DLGAP2: variants seen among roughly 807,000 people sequenced by gnomAD.
DLGAP2 encodes the protein disks large-associated protein 2.
DLGAP2 carries 26 observed loss-of-function variants against 100.3 expected under a neutral mutation model. The ratio of observed to expected loss-of-function variants is 0.26; its 90% confidence interval spans 0.19 to 0.36. The LOEUF is 0.36. Among genes scored for constraint, DLGAP2 ranks in the 10% least tolerant of loss-of-function variants. DLGAP2 has a pLI of 1.00. For synonymous variants in DLGAP2, 886 were observed against 630.1 expected (o/e 1.41, Z -6.08); for missense variants, 1,858 against 1,453.2 (o/e 1.28, Z -4.53).
At chr8:856,946 G>A (rs1368085482) in intron 1 of DLGAP2, among the ~76,000 whole-genome samples, 1 of 152,252 alleles carries the variant, frequency 6.6e-6, no homozygotes, top group Non-Finnish European at 1.5e-5. Context: ...CAAAGTCACA[G>A]AACTGACAGT....
At chr8:942,956 G>A (rs750056578) in intron 2 of DLGAP2, among the ~76,000 whole-genome samples, 2 of 152,198 alleles carry the variant, frequency 1.3e-5, no homozygotes, top group Admixed American at 1.3e-4. Flanking sequence ...AAGGGTGTGC[G>A]GAACACCATC....
intron 3 of DLGAP2, among the ~76,000 whole-genome samples, chr8:1,436,809 G>A (rs1340344919): frequency 6.6e-6 from 1 of 152,132 alleles, no homozygotes; most frequent in Non-Finnish European, 1.5e-5. Flanking sequence ...TCCATTCATG[G>A]TGAGTGTCCT....
intron 13 of DLGAP2, among the ~76,000 whole-genome samples, chr8:1,692,934 T>A (rs1023534427): frequency 1.3e-5 from 2 of 148,506 alleles, no homozygotes; most frequent in Non-Finnish European, 3.0e-5. Context: ...AAATATATAT[T>A]TGCTATTTCT....
At chr8:1,227,786 C>G (rs1798452445) in intron 2 of DLGAP2, among the ~76,000 whole-genome samples, 1 of 151,984 alleles carries the variant, frequency 6.6e-6, no homozygotes, top group Non-Finnish European at 1.5e-5. Flanking sequence ...TGAGAGGGTA[C>G]AAAGGAGCAG....
At chr8:1,602,020 C>T (rs1281825204) in intron 6 of DLGAP2, among the ~76,000 whole-genome samples, 1 of 150,716 alleles carries the variant, frequency 6.6e-6, no homozygotes, top group Non-Finnish European at 1.5e-5. Flanking sequence ...GGGCCTCTAT[C>T]CCTCACGAGC....
chr8:1,082,350 T>A (rs1178837566), intron 2 of DLGAP2, among the ~76,000 whole-genome samples: 1 of 152,232 alleles, frequency 6.6e-6, no homozygotes, highest in Non-Finnish European at 1.5e-5. Context: ...TTCCCATTTC[T>A]ACGTTTTCTT....
chr8:1,179,037 A>G (rs530330147), intron 2 of DLGAP2, among the ~76,000 whole-genome samples: 2 of 152,308 alleles, frequency 1.3e-5, no homozygotes, highest in East Asian at 3.9e-4. Context: ...CAGCTTCTAT[A>G]AGGGGTTGAG....
At chr8:998,045 A>T (rs1039487433) in intron 2 of DLGAP2, among the ~76,000 whole-genome samples, 1 of 151,940 alleles carries the variant, frequency 6.6e-6, no homozygotes, top group African/African-American at 2.4e-5. Flanking sequence ...ATGTGCATAC[A>T]GTCATACACA....
intron 2 of DLGAP2, among the ~76,000 whole-genome samples, chr8:914,097 C>G (rs1336919077): frequency 6.6e-6 from 1 of 152,204 alleles, no homozygotes; most frequent in Admixed American, 6.5e-5. Context: ...TTCTTTTTAC[C>G]CAGATACTAA....
intron 12 of DLGAP2, among the ~76,000 whole-genome samples, chr8:1,681,880 G>C (rs1251129442): frequency 6.7e-6 from 1 of 148,306 alleles, no homozygotes; most frequent in Non-Finnish European, 1.5e-5. Flanking sequence ...GACGTTGAAG[G>C]CTCTGCCTTC....
At chr8:1,198,520 G>A (rs960797585) in intron 2 of DLGAP2, among the ~76,000 whole-genome samples, 10 of 152,086 alleles carry the variant, frequency 6.6e-5, no homozygotes, top group Non-Finnish European at 1.0e-4. Flanking sequence ...CCCAGAGCTC[G>A]GGGGAAGGGG....
chr8:1,191,417 GC>G (rs1797636095), intron 2 of DLGAP2, among the ~76,000 whole-genome samples: 1 of 152,082 alleles, frequency 6.6e-6, no homozygotes. Context: ...TGATCTGCCC[GC>G]CTCAGCCTCC....
intron 8 of DLGAP2, among the ~76,000 whole-genome samples, chr8:1,663,124 G>T (rs1406634984): frequency 7.5e-6 from 1 of 133,408 alleles, no homozygotes; most frequent in Non-Finnish European, 1.6e-5. Context: ...ACACAGTGTG[G>T]GGGGTGTGTG....
intron 2 of DLGAP2, among the ~76,000 whole-genome samples, chr8:940,642 A>G (rs992335966): frequency 3.3e-5 from 5 of 152,128 alleles, no homozygotes; most frequent in African/African-American, 1.2e-4. Context: ...GGGGAAGGAA[A>G]GGTTTTCAGG....
chr8:1,457,735 C>G (rs1798354309), intron 3 of DLGAP2, among the ~76,000 whole-genome samples: 1 of 151,882 alleles, frequency 6.6e-6, no homozygotes, highest in South Asian at 2.1e-4. Flanking sequence ...ATTGTAGCCC[C>G]ACACACCTCC....
intron 4 of DLGAP2, among the ~76,000 whole-genome samples, chr8:1,522,200 T>C (rs1563199707): frequency 6.6e-6 from 1 of 152,226 alleles, no homozygotes; most frequent in Non-Finnish European, 1.5e-5. Flanking sequence ...TGGGGTCCAC[T>C]CAGACCTTTC....
intron 3 of DLGAP2, among the ~76,000 whole-genome samples, chr8:1,373,191 C>T (rs922458192): frequency 1.3e-5 from 2 of 152,134 alleles, no homozygotes; most frequent in African/African-American, 2.4e-5. Context: ...CATTTGCTGC[C>T]GTTTGCTTGA....
At chr8:1,291,702 G>A (rs565609825) in intron 3 of DLGAP2, among the ~76,000 whole-genome samples, 17 of 152,240 alleles carry the variant, frequency 1.1e-4, no homozygotes, top group Non-Finnish European at 2.1e-4. Flanking sequence ...TCCCAGCAGA[G>A]CTCATCCTGC....
intron 2 of DLGAP2, among the ~76,000 whole-genome samples, chr8:1,195,484 C>T (rs1248723092): frequency 6.6e-6 from 1 of 152,236 alleles, no homozygotes; most frequent in Non-Finnish European, 1.5e-5. Flanking sequence ...TCAGAAAGCA[C>T]TACTGAGAAA....
Sources: gnomAD v4.1 joint callset for allele counts (sites outside exome capture counted in the v4.1 genomes callset) on GRCh38, gnomAD v4.1.1 for gene constraint, MANE v1.5 for transcripts, NCBI Gene and HGNC (gene_info 2026-07-23, HGNC 2026-07-21) for gene names.